The following POU2F3 variants were observed in gnomAD, a reference collection of about 807,000 sequenced individuals.
POU2F3 encodes the protein POU domain, class 2, transcription factor 3.
Under a neutral mutation model 59.2 loss-of-function variants are expected in POU2F3, and 23 were observed. The observed-to-expected ratio is 0.39, with a 90% CI of 0.28 to 0.55. The LOEUF (loss-of-function observed/expected upper bound fraction) is 0.55. Among genes scored for constraint, POU2F3 ranks in the 20% least tolerant of loss-of-function variants. The pLI, the probability that POU2F3 is intolerant of heterozygous loss-of-function variation, is 0.66. For missense variants in POU2F3, 473 were observed against 544.5 expected (o/e 0.87, Z 1.31); for synonymous variants, 190 against 214.6 (o/e 0.89, Z 1.00).
intron 2 of POU2F3, among the ~76,000 whole-genome samples, chr11:120,268,464 CT>C (rs1320517260): frequency 2.0e-5 from 3 of 152,144 alleles, no homozygotes; most frequent in Non-Finnish European, 2.9e-5. Flanking sequence ...CCTCCACCCC[CT>C]GAGTAGCTGG....
At chr11:120,288,128 C>CAAAAAAAAAAAAAAAAAAAAAAAAAACAA in intron 3 of POU2F3, among the ~76,000 whole-genome samples, 2 of 63,328 alleles carry the variant, frequency 3.2e-5, no homozygotes, top group African/African-American at 1.4e-4. Flanking sequence ...ACAAAAAAAC[C>CAAAAAAAAAAAAAAAAAAAAAAAAAACAA]AAAAAAAAAA....
At chr11:120,243,712 G>T (rs2847500) in intron 1 of POU2F3, among the ~76,000 whole-genome samples, 1 of 152,022 alleles carries the variant, frequency 6.6e-6, no homozygotes, top group Non-Finnish European at 1.5e-5. Flanking sequence ...CCAAAAGCTC[G>T]TCCCACCCAT....
intron 1 of POU2F3, 40 bp from the exon 2 acceptor site, chr11:120,246,409 T>A (rs371931092): frequency 1.2e-6 from 2 of 1,604,552 alleles, no homozygotes; most frequent in African/African-American, 1.3e-5. Context: ...GCAAGAAAAA[T>A]TGTGACCTGT....
intron 2 of POU2F3, chr11:120,254,887 G>A (rs1277381396): frequency 6.6e-6 from 1 of 152,240 alleles, no homozygotes; most frequent in East Asian, 1.9e-4. Flanking sequence ...AGATCCCTGG[G>A]AGACTCAGGG....
intron 2 of POU2F3, 46 bp downstream of exon 2, chr11:120,246,563 AGTT>A (rs1938885802): frequency 6.3e-7 from 1 of 1,594,448 alleles, no homozygotes; most frequent in Non-Finnish European, 8.6e-7. Context: ...GGGGGAAGAG[AGTT>A]GTTGGGAATT....
intron 3 of POU2F3, among the ~76,000 whole-genome samples, chr11:120,278,669 G>A (rs1375941563): frequency 3.9e-5 from 6 of 152,194 alleles, no homozygotes; most frequent in African/African-American, 1.2e-4. Flanking sequence ...AATGAGCTGC[G>A]CTGACTGAGT....
intron 3 of POU2F3, among the ~76,000 whole-genome samples, chr11:120,288,814 CATGT>C (rs566164465): frequency 4.5e-4 from 67 of 149,662 alleles, no homozygotes; most frequent in Admixed American, 1.1e-3. Flanking sequence ...TACATACGCA[CATGT>C]ATGTATTACA....
chr11:120,244,327 A>G (rs959816236), intron 1 of POU2F3, among the ~76,000 whole-genome samples: 1 of 152,224 alleles, frequency 6.6e-6, no homozygotes, highest in Non-Finnish European at 1.5e-5. Context: ...GCGGACTAGC[A>G]TCTAAGCCTA....
chr11:120,312,524 T>C (rs1198927057), intron 10 of POU2F3, among the ~76,000 whole-genome samples: 1 of 152,212 alleles, frequency 6.6e-6, no homozygotes, highest in Non-Finnish European at 1.5e-5. Flanking sequence ...GAGGGGCTGA[T>C]GAGTGTGGGA....
intron 5 of POU2F3, 36 bp from the exon 6 acceptor site, chr11:120,302,246 TTTTA>T (rs1185926524): frequency 1.3e-6 from 2 of 1,521,924 alleles, no homozygotes; most frequent in East Asian, 2.3e-5. Context: ...ATAGCCTGGA[TTTTA>T]TTTGTCTGTT....
chr11:120,286,267 C>T (rs568057710), intron 3 of POU2F3, among the ~76,000 whole-genome samples: 37 of 152,262 alleles, frequency 2.4e-4, no homozygotes, highest in African/African-American at 6.5e-4. Flanking sequence ...TATTTTACAA[C>T]GCTGTGATGA....
Position 120,240,365 on chromosome 11 carries a change from C to T in POU2F3, c.22C>T (p.His8Tyr). 1 of 1,431,552 alleles carries T rather than the reference C, an allele frequency of 7.0e-7. No homozygotes were observed. Among genetic ancestry groups the T allele is most frequent in the Non-Finnish European group, 9.2e-7 (1 of 1,082,302 alleles). 88.7% of individuals were successfully genotyped at this position (1,431,552 alleles called of 1,614,324 possible). MVNLESM[H>Y]TDIKMSGDVA... is the part of the protein sequence containing the mutation. ...CAGGATGGTGAATCTGGAGTCCATG[C>T]ACACAGGTGAGGGGCGGAGGGAATG... Residue 8 changes from histidine (H) to tyrosine (Y), a missense_variant, in exon 1 of 13, where the codon CAC becomes TAC. Transcript: ENST00000543440.
At chr11:120,248,044 A>T (rs1240636361) in intron 2 of POU2F3, among the ~76,000 whole-genome samples, 1 of 152,236 alleles carries the variant, frequency 6.6e-6, no homozygotes, top group Non-Finnish European at 1.5e-5. Flanking sequence ...AAAGGGAGGG[A>T]GTTCAAATCC....
intron 3 of POU2F3, among the ~76,000 whole-genome samples, chr11:120,276,840 G>C (rs1055560441): frequency 1.3e-5 from 2 of 152,006 alleles, no homozygotes; most frequent in African/African-American, 4.8e-5. Context: ...AGAGCCGGCA[G>C]AAAACAGACC....
upstream of POU2F3, chr11:120,236,704 A>C (rs1212463099): frequency 1.0e-4 from 154 of 1,491,662 alleles, no homozygotes; most frequent in Non-Finnish European, 1.3e-4. Context: ...TAAAGGAGGA[A>C]GGGGTAAAGG....
At chr11:120,291,215 A>G (rs1427028146) in intron 3 of POU2F3, among the ~76,000 whole-genome samples, 1 of 152,234 alleles carries the variant, frequency 6.6e-6, no homozygotes, top group East Asian at 1.9e-4. Flanking sequence ...GATTAGGGCT[A>G]CAACTGAGTT....
At chr11:120,282,442 G>A (rs949079335) in intron 3 of POU2F3, among the ~76,000 whole-genome samples, 1 of 152,186 alleles carries the variant, frequency 6.6e-6, no homozygotes, top group African/African-American at 2.4e-5. Flanking sequence ...GATCACTTGA[G>A]GCTAGGAGTT....
At chr11:120,236,694 TA>T, upstream of POU2F3, 1 of 1,503,500 alleles carries the variant, frequency 6.7e-7, no homozygotes, top group Non-Finnish European at 8.9e-7. Context: ...CAAGAACTGC[TA>T]AAGGAGGAAG....
chr11:120,265,892 A>G (rs539315486), intron 2 of POU2F3: 2 of 152,108 alleles, frequency 1.3e-5, no homozygotes, highest in East Asian at 1.9e-4. Flanking sequence ...TTGCCTGCCC[A>G]CTCTTTCTCA....
Sources: allele counts gnomAD v4.1 joint callset (sites outside exome capture counted in the v4.1 genomes callset), GRCh38; gene constraint gnomAD v4.1.1; transcripts MANE v1.5; gene names NCBI Gene and HGNC (gene_info 2026-07-23, HGNC 2026-07-21).